Variants in GSR observed in about 807,000 individuals in gnomAD.
GSR encodes the protein glutathione-disulfide reductase.
A neutral mutation model predicts 56.5 loss-of-function variants in GSR; 48 were observed. The ratio of observed to expected loss-of-function variants is 0.85; its 90% CI spans 0.67 to 1.08. The LOEUF is 1.08. Ranked by LOEUF, GSR falls within the 50% of genes least tolerant of loss-of-function variation. GSR has a pLI of 0.00. For missense variants in GSR, 694 were observed against 703.3 expected, an observed-to-expected ratio of 0.99 and a Z score of 0.15; for synonymous variants, 264 against 270.8, an observed-to-expected ratio of 0.97 and a Z score of 0.25.
In GSR at chr8:30,703,092, C is replaced by T. The variant is rs1803797799; in HGVS notation, c.640+1G>A. 9 of 1,613,924 alleles carry T rather than the reference C, an allele frequency of 5.6e-6. No individual in the cohort carries two copies. The highest frequency in any genetic ancestry group is 6.8e-6 in the Non-Finnish European group (8 of 1,179,886). ...TAATGAGTACCTGTTGTATGACTCA[C>T]CGGGGATCTGGCTCTCATGAGGGGT... is the stretch of plus-strand genomic sequence containing the variant. On this transcript the variant is annotated splice_donor_variant, in intron 5 of 12. Transcript: ENST00000221130. LOFTEE classifies it high-confidence loss of function.
chr8:30,696,536 A>C, intron 6 of GSR, 57 bp from the exon 7 acceptor site: 3 of 1,182,824 alleles, frequency 2.5e-6, no homozygotes, highest in Non-Finnish European at 2.5e-6. Flanking sequence ...GAATAATTTC[A>C]CGTTTACAGA....
intron 4 of GSR, among the ~76,000 whole-genome samples, chr8:30,705,570 C>T (rs1046834105): frequency 2.1e-4 from 32 of 151,986 alleles, no homozygotes; most frequent in African/African-American, 7.2e-4. Context: ...CCTCTACAAA[C>T]GTTTTTTAAA....
At chr8:30,705,375 G>A (rs1324072648) in intron 4 of GSR, among the ~76,000 whole-genome samples, 1 of 152,054 alleles carries the variant, frequency 6.6e-6, no homozygotes, top group Non-Finnish European at 1.5e-5. Flanking sequence ...CCATTCTCCT[G>A]CCTCAGCCTT....
At position 30,679,413 on chromosome 8, in the gene GSR, T is replaced by A; in HGVS notation, c.*107A>T. The stretch of plus-strand genomic sequence containing the variant: ...AATTTCCACTATCAGAAGATCCTGA[T>A]TAAAATAAAGAAATACATAAAACTC... On this transcript the variant is annotated 3_prime_UTR_variant, in exon 13 of 13. Coordinates refer to ENST00000221130, the MANE Select transcript of GSR (RefSeq NM_000637.5). 8.9e-7 allele frequency: 1 copy of A among 1,118,946 alleles called. No homozygotes were observed. Among genetic ancestry groups the A allele is most frequent in the Non-Finnish European group, 1.3e-6 (1 of 753,562 alleles). 69.3% of individuals were successfully genotyped at this position (1,118,946 alleles called of 1,614,324 possible).
At chr8:30,715,632 C>G (rs534405262) in intron 1 of GSR, among the ~76,000 whole-genome samples, 30 of 152,322 alleles carry the variant, frequency 2.0e-4, no homozygotes, top group Admixed American at 1.4e-3. Flanking sequence ...TTTAAGTTCA[C>G]TAAGTGGCTT....
In GSR at chr8:30,693,036, G is replaced by C; in HGVS notation, c.815C>G (p.Ser272Ter). 1 of 1,610,060 alleles carries C rather than the reference G, an allele frequency of 6.2e-7. No homozygotes were observed. The highest frequency in any genetic ancestry group is 8.5e-7 in the Non-Finnish European group (1 of 1,176,678). ...RHDKVLRSFDSMISTNCTEEL... is the reference protein window; with the variant it reads ...RHDKVLRSFD ...CTCCGTGCAGTTGGTGCTGATCATT[G>C]AATCAAAACTTCTAAGTACCTGCAT... The change falls in exon 8 of 13, where the codon TCA becomes TGA. Residue 272 changes from serine (S) to a stop codon, truncating the protein, a stop_gained. Transcript: ENST00000221130. LOFTEE classifies it high-confidence loss of function.
chr8:30,721,708 T>C (rs187737722), intron 1 of GSR, among the ~76,000 whole-genome samples: 2 of 151,982 alleles, frequency 1.3e-5, no homozygotes, highest in Admixed American at 1.3e-4. Flanking sequence ...TTCCTTTAGT[T>C]TCCCTCTATA....
In GSR at chr8:30,708,091, T is replaced by A; in HGVS notation, c.473A>T (p.Tyr158Phe). Residue 158 changes from tyrosine (Y) to phenylalanine (F), a missense_variant, in exon 4 of 13, where the codon TAT becomes TTT. By Grantham distance (22) the Tyr-to-Phe change is conservative (BLOSUM62 3). Coordinates refer to ENST00000221130, the MANE Select transcript of GSR (RefSeq NM_000637.5). ...ACACACCTTGGTGAGATTGTTTTGA[T>A]AGATGGCATTCAGGCGGCTCACATA... ...DAYVSRLNAI[Y>F]QNNLTKSHIE... is the part of the protein sequence containing the mutation. 1 of 1,613,186 alleles carries A rather than the reference T, an allele frequency of 6.2e-7. No individual in the cohort carries two copies. The highest frequency in any genetic ancestry group is 8.5e-7 in the Non-Finnish European group (1 of 1,179,122).
rs1047837191 is a variant in GSR, at chr8:30,681,707, T to TA, written c.1285+222dup. Among the ~76,000 whole-genome samples, 201 of 144,752 alleles carry TA rather than the reference T, an allele frequency of 1.4e-3. 1 individual carries two copies. The highest frequency in any genetic ancestry group is 4.0e-3 in the African/African-American group (159 of 39,412). The allele number at this position is 144,752 out of a possible 152,430, so 95.0% of individuals were successfully genotyped here. A position where few individuals can be genotyped will look rare whatever the true frequency, so the allele number is the denominator to read the frequency against. On this transcript the variant is annotated intron_variant, in intron 11 of 12. Transcript: ENST00000221130. ...TTAAAATTAGTTCAAATAAAAAAGC[T>TA]AAAAAAAAAAGATCAAAGAGATAGG...
At chr8:30,720,727 C>T (rs1804506548) in intron 1 of GSR, among the ~76,000 whole-genome samples, 1 of 151,304 alleles carries the variant, frequency 6.6e-6, no homozygotes, top group Admixed American at 6.6e-5. Flanking sequence ...TCAATGGATA[C>T]ATTTGCAAGA....
intron 3 of GSR, 135 bp downstream of exon 3, chr8:30,709,679 A>G: frequency 1.4e-6 from 1 of 702,318 alleles, no homozygotes; most frequent in East Asian, 2.7e-5. Context: ...TATACTTAAA[A>G]ATGGCTAAAC....
In GSR at chr8:30,724,544, C is replaced by CTTTTTTTT. The variant is rs56145808; in HGVS notation, c.306+2978_306+2985dup. ...CAAAGAATACTACCCAACCCCCCAC[C>CTTTTTTTT]TTTTTTTTTTTTTTTTTTTTTTGAG... On this transcript the variant is annotated intron_variant, in intron 1 of 12. Transcript: ENST00000221130. Among the ~76,000 whole-genome samples, 17 of 84,640 alleles carry CTTTTTTTT rather than the reference C, an allele frequency of 2.0e-4. 1 individual carries two copies. The highest frequency in any genetic ancestry group is 2.7e-4 in the Non-Finnish European group (13 of 48,832). 55.5% of individuals were successfully genotyped at this position (84,640 alleles called of 152,430 possible).
Position 30,696,401 on chromosome 8 carries a change from T to A in GSR, c.774A>T (p.Ser258=), listed in dbSNP as rs200738734. The change falls in exon 7 of 13, where the codon TCA becomes TCT. Residue 258 remains serine (S), a synonymous_variant. Transcript: ENST00000221130. ...TTACCTTATCATGCCGTATCATCAG[T>A]GATGTCTTAGAACCCAGGGCTGACA... ...GILSALGSKT[S]LMIRHDKVLR... The A allele has an allele frequency of 6.2e-7, 1 of 1,605,444 alleles. No homozygotes were observed. The highest frequency in any genetic ancestry group is 1.1e-5 in the South Asian group (1 of 90,918).
intron 5 of GSR, among the ~76,000 whole-genome samples, chr8:30,701,380 T>C (rs1459408977): frequency 1.3e-5 from 2 of 152,074 alleles, no homozygotes; most frequent in Non-Finnish European, 2.9e-5. Flanking sequence ...GCAGGAGAAT[T>C]GCTTGAACAC....
chr8:30,694,695 G>A (rs534206554), intron 7 of GSR, among the ~76,000 whole-genome samples: 33 of 151,788 alleles, frequency 2.2e-4, no homozygotes, highest in African/African-American at 8.0e-4. Context: ...AGGCCGAGGT[G>A]GGCGGATCAC....
intron 5 of GSR, among the ~76,000 whole-genome samples, chr8:30,702,002 C>A (rs953791984): frequency 1.3e-5 from 2 of 152,000 alleles, no homozygotes; most frequent in African/African-American, 4.8e-5. Flanking sequence ...CACCACTGCA[C>A]TCCAGCCTGG....
intron 8 of GSR, 87 bp from the exon 9 acceptor site, chr8:30,689,406 T>C: frequency 9.2e-7 from 1 of 1,090,392 alleles, no homozygotes; most frequent in Non-Finnish European, 1.4e-6. Context: ...GAAACTAGAA[T>C]TTTTAACATT....
At chr8:30,696,876 T>C (rs1408137364) in intron 6 of GSR, among the ~76,000 whole-genome samples, 1 of 152,144 alleles carries the variant, frequency 6.6e-6, no homozygotes, top group African/African-American at 2.4e-5. Context: ...TTATATTTTC[T>C]TTTGTAGAGA....
chr8:30,692,883 T>C, intron 8 of GSR, 86 bp downstream of exon 8: 1 of 816,788 alleles, frequency 1.2e-6, no homozygotes, highest in South Asian at 1.3e-5. Context: ...ACATAGTGTT[T>C]GTGTTTTTAA....
Sources: gnomAD v4.1 joint callset for allele counts (sites outside exome capture counted in the v4.1 genomes callset) on GRCh38, gnomAD v4.1.1 for gene constraint, MANE v1.5 for transcripts, NCBI Gene and HGNC (gene_info 2026-07-23, HGNC 2026-07-21) for gene names.